The following OPCML variants were observed in gnomAD, a reference collection of about 807,000 sequenced individuals.
OPCML encodes opioid-binding protein/cell adhesion molecule.
Under a neutral mutation model 37.8 loss-of-function variants are expected in OPCML, and 13 were observed. The observed-to-expected ratio is 0.34, with a 90% CI of 0.22 to 0.55. The LOEUF is 0.55. Ranked by LOEUF, OPCML falls within the 20% of genes least tolerant of loss-of-function variation. The pLI is 0.91. For synonymous variants in OPCML, 176 were observed against 168.8 expected, an observed-to-expected ratio of 1.04 and a Z score of -0.33; for missense variants, 341 against 435.6, an observed-to-expected ratio of 0.78 and a Z score of 1.93.
intron 3 of OPCML, among the ~76,000 whole-genome samples, chr11:132,582,905 G>A (rs1236123823): frequency 1.5e-5 from 2 of 137,802 alleles, no homozygotes; most frequent in Non-Finnish European, 3.1e-5. Flanking sequence ...GAGTACAATG[G>A]AGTGATCATA....
rs536739430 is a variant in OPCML at position 132,964,688 on chromosome 11, C to A, written c.62-21678G>T. ...AGGCTCTGCCAAACGTCCACTCCTC[C>A]GTGACCTTACAGTTGGCACCAGGGT... On this transcript the variant is annotated intron_variant, in intron 1 of 7. Transcript: ENST00000524381. Among the ~76,000 whole-genome samples the A allele has an allele frequency of 1.1e-4, 16 of 152,316 alleles. No homozygotes were observed. In the South Asian group the frequency reaches 3.3e-3, roughly 32 times the overall value.
chr11:133,173,977 C>T lies in OPCML; in HGVS notation c.62-230967G>A, dbSNP rs945427983. Among the ~76,000 whole-genome samples, 20 of 152,184 alleles carry T rather than the reference C, an allele frequency of 1.3e-4. No homozygotes were observed. Among genetic ancestry groups the T allele is most frequent in the Non-Finnish European group, 2.5e-4 (17 of 68,042 alleles). The stretch of plus-strand genomic sequence containing the variant: ...AAGGATCCCCAGTCAGCCAATGCAC[C>T]GGGACGCTGACATAAATCAGGGGCA... On this transcript the variant is annotated intron_variant, in intron 1 of 7. Transcript: ENST00000524381. The surrounding 1 kb of genome is among the most constrained non-coding windows in gnomAD (Gnocchi z 7.8).
intron 1 of OPCML, among the ~76,000 whole-genome samples, chr11:133,531,434 C>A (rs1948602551): frequency 6.6e-6 from 1 of 152,134 alleles, no homozygotes; most frequent in South Asian, 2.1e-4. Flanking sequence ...TCAGGCAAAT[C>A]CAAATTTCCA....
intron 4 of OPCML, among the ~76,000 whole-genome samples, chr11:132,509,311 A>G (rs555984597): frequency 2.0e-5 from 3 of 152,268 alleles, no homozygotes; most frequent in African/African-American, 7.2e-5. Context: ...CAGAGCATAA[A>G]TGTTCAGAAA....
At chr11:132,818,320 C>T (rs1008992030) in intron 2 of OPCML, among the ~76,000 whole-genome samples, 2 of 151,892 alleles carry the variant, frequency 1.3e-5, no homozygotes, top group African/African-American at 4.8e-5. Context: ...TAATTGTATA[C>T]ATCAACAACA....
At chr11:133,143,149 C>T (rs1325406695) in intron 1 of OPCML, among the ~76,000 whole-genome samples, 1 of 152,120 alleles carries the variant, frequency 6.6e-6, no homozygotes, top group Non-Finnish European at 1.5e-5. Flanking sequence ...AGCAGTCTGG[C>T]CTCCTCTGTT....
chr11:132,425,496 G>A (rs2095975080), intron 7 of OPCML, among the ~76,000 whole-genome samples: 1 of 152,208 alleles, frequency 6.6e-6, no homozygotes, highest in South Asian at 2.1e-4. Context: ...AAATGTGGAA[G>A]GAGTAGTTCT....
intron 1 of OPCML, among the ~76,000 whole-genome samples, chr11:133,458,183 TATATACAC>T (rs1946721377): frequency 1.4e-5 from 2 of 140,768 alleles, no homozygotes; most frequent in African/African-American, 6.1e-5. Flanking sequence ...TATATGTGTA[TATATACAC>T]ATATATACAC....
At chr11:132,564,629 T>C (rs1014195363) in intron 3 of OPCML, among the ~76,000 whole-genome samples, 5 of 152,120 alleles carry the variant, frequency 3.3e-5, no homozygotes, top group African/African-American at 7.2e-5. Context: ...GCTTAGAAAG[T>C]AGGCTTCCAA....
At chr11:132,686,155 A>G (rs2135869991) in intron 2 of OPCML, among the ~76,000 whole-genome samples, 1 of 152,284 alleles carries the variant, frequency 6.6e-6, no homozygotes, top group East Asian at 1.9e-4. Flanking sequence ...GCTGTCCTTC[A>G]GGTGCTGGCC....
chr11:132,895,966 T>C (rs1242169142), intron 2 of OPCML, among the ~76,000 whole-genome samples: 1 of 152,118 alleles, frequency 6.6e-6, no homozygotes, highest in East Asian at 1.9e-4. Context: ...GGAATGCTTG[T>C]GGGAATGCAT....
rs1946231166 is a variant in OPCML, at chr11:132,967,051, C to T, written c.62-24041G>A. On this transcript the variant is annotated intron_variant, in intron 1 of 7. Coordinates refer to ENST00000524381, the MANE Select transcript of OPCML (RefSeq NM_001012393.5). ...GTTACTAGTGATGTACTTAGATTTA[C>T]TTTTTTGTTTACTACGTGTCACATG... 2.6e-5 allele frequency among the ~76,000 whole-genome samples: 4 copies of T among 151,976 alleles called. No homozygotes were observed. In the South Asian group the frequency reaches 8.3e-4, roughly 31 times the overall value.
intron 3 of OPCML, among the ~76,000 whole-genome samples, chr11:132,655,997 A>T (rs977705921): frequency 1.3e-5 from 2 of 151,924 alleles, no homozygotes; most frequent in Non-Finnish European, 1.5e-5. Flanking sequence ...TAAAAGGCAG[A>T]TGCTAAAGAC....
chr11:132,754,004 T>C (rs1945940501), intron 2 of OPCML, among the ~76,000 whole-genome samples: 1 of 152,202 alleles, frequency 6.6e-6, no homozygotes, highest in Non-Finnish European at 1.5e-5. Context: ...ACAACCAACT[T>C]CTGCATATGC....
rs1373582027 is a variant in OPCML at position 132,479,641 on chromosome 11, G to A, written c.506-42282C>T. On this transcript the variant is annotated intron_variant, in intron 4 of 7. Coordinates refer to ENST00000524381, the MANE Select transcript of OPCML (RefSeq NM_001012393.5). ...AATGTCCCTGTCTGACAGCTTTGAA[G>A]AGAGCAGTGGTTCTCCCAGTACGCA... 2.6e-5 allele frequency among the ~76,000 whole-genome samples: 4 copies of A among 152,232 alleles called. No individual in the cohort carries two copies. The East Asian group carries it at 7.7e-4, about 29-fold the overall frequency.
chr11:132,990,585 G>A (rs1946757141), intron 1 of OPCML, among the ~76,000 whole-genome samples: 1 of 152,184 alleles, frequency 6.6e-6, no homozygotes, highest in Admixed American at 6.5e-5. Context: ...AATGAGAATT[G>A]CGGTCACTGG....
In OPCML at chr11:133,532,427, A is replaced by C; in HGVS notation, c.-103T>G. 3 of 1,396,452 alleles carry C rather than the reference A, an allele frequency of 2.1e-6. No individual in the cohort carries two copies. Among genetic ancestry groups the C allele is most frequent in the Non-Finnish European group, 3.0e-6 (3 of 1,008,504 alleles). The allele number at this position is 1,396,452 out of a possible 1,614,324, so 86.5% of individuals were successfully genotyped here. A position where few individuals can be genotyped will look rare whatever the true frequency, so the allele number is the denominator to read the frequency against. ...TGAATTCTGAGCAGGTTTAAATCCA[A>C]TGTTTGCAAAGGGAGGGAGAGAGCA... is the stretch of plus-strand genomic sequence containing the variant. On this transcript the variant is annotated 5_prime_UTR_variant, in exon 1 of 8. Transcript: ENST00000524381.
chr11:132,632,915 G>A (rs1438952850), intron 3 of OPCML, among the ~76,000 whole-genome samples: 1 of 145,442 alleles, frequency 6.9e-6, no homozygotes, highest in African/African-American at 2.6e-5. Context: ...TACATCTACC[G>A]AATACCTAAC....
chr11:133,129,091 G>A (rs910233010), intron 1 of OPCML, among the ~76,000 whole-genome samples: 4 of 152,216 alleles, frequency 2.6e-5, no homozygotes, highest in Non-Finnish European at 5.9e-5. Context: ...GGGGAAACAG[G>A]TGGGAACTGA....
Sources: allele counts gnomAD v4.1 joint callset (sites outside exome capture counted in the v4.1 genomes callset), GRCh38; gene constraint gnomAD v4.1.1; non-coding constraint Gnocchi (gnomAD v3.1); transcripts MANE v1.5; gene names NCBI Gene and HGNC (gene_info 2026-07-23, HGNC 2026-07-21).